The following NELL1 variants were observed in gnomAD, a reference collection of about 807,000 sequenced individuals.
The protein encoded by NELL1 is neural EGFL like 1, also known as protein kinase C-binding protein NELL1.
NELL1 carries 76 observed loss-of-function variants against 107.4 expected under a neutral mutation model. The ratio of observed to expected loss-of-function variants is 0.71; its 90% CI spans 0.59 to 0.86. The LOEUF (loss-of-function observed/expected upper bound fraction) is 0.86. Among genes scored for constraint, NELL1 ranks in the 40% least tolerant of loss-of-function variants. The pLI, the probability that NELL1 is intolerant of heterozygous loss-of-function variation, is 0.00. For synonymous variants in NELL1, 353 were observed against 341.2 expected, an observed-to-expected ratio of 1.03 and a Z score of -0.38; for missense variants, 1,024 against 1,005.5, an observed-to-expected ratio of 1.02 and a Z score of -0.25.
At chr11:21,432,535 C>T (rs754459144) in intron 15 of NELL1, among the ~76,000 whole-genome samples, 1 of 151,824 alleles carries the variant, frequency 6.6e-6, no homozygotes, top group Non-Finnish European at 1.5e-5. Context: ...GAGTTTATTA[C>T]TTCCTGCAAA....
At chr11:21,017,028 G>T (rs1035630486) in intron 12 of NELL1, among the ~76,000 whole-genome samples, 37 of 152,030 alleles carry the variant, frequency 2.4e-4, no homozygotes, top group African/African-American at 8.0e-4. Flanking sequence ...TTTTATGCTG[G>T]ATTCCATGTT....
chr11:21,268,386 T>C (rs1848675527), intron 14 of NELL1, among the ~76,000 whole-genome samples: 1 of 152,162 alleles, frequency 6.6e-6, no homozygotes, highest in African/African-American at 2.4e-5. Flanking sequence ...ATTCTGTTCT[T>C]AACAAAACCT....
chr11:21,419,642 C>G (rs1022487257), intron 15 of NELL1, among the ~76,000 whole-genome samples: 3 of 152,088 alleles, frequency 2.0e-5, no homozygotes, highest in Admixed American at 6.6e-5. Flanking sequence ...GCTTAATGCA[C>G]TATTTATAAT....
chr11:21,437,397 T>C (rs1310045453), intron 15 of NELL1, among the ~76,000 whole-genome samples: 1 of 152,236 alleles, frequency 6.6e-6, no homozygotes, highest in African/African-American at 2.4e-5. Context: ...TTCACTCTTG[T>C]TACCCAGGCT....
At chr11:20,918,398 A>G (rs1425180412) in intron 6 of NELL1, 144 bp downstream of exon 6, 1 of 593,958 alleles carries the variant, frequency 1.7e-6, no homozygotes, top group Non-Finnish European at 3.0e-6. Context: ...TATTATCTAC[A>G]TTATATAATT....
intron 13 of NELL1, among the ~76,000 whole-genome samples, chr11:21,129,329 ATAGT>A (rs1855562012): frequency 6.6e-6 from 1 of 152,198 alleles, no homozygotes; most frequent in South Asian, 2.1e-4. Context: ...ACCATGGAAA[ATAGT>A]TTGGTGGTTC....
chr11:20,704,993 C>G (rs528955156), intron 2 of NELL1, among the ~76,000 whole-genome samples: 3 of 152,232 alleles, frequency 2.0e-5, no homozygotes, highest in African/African-American at 7.2e-5. Context: ...CTACAAACCA[C>G]TGCTCAATGA....
At chr11:21,531,473 G>A (rs947888792) in intron 15 of NELL1, among the ~76,000 whole-genome samples, 1 of 152,076 alleles carries the variant, frequency 6.6e-6, no homozygotes, top group Non-Finnish European at 1.5e-5. Context: ...TTGTGTTGTC[G>A]ACATTTGACT....
chr11:21,080,449 G>T (rs1379094716), intron 12 of NELL1, among the ~76,000 whole-genome samples: 2 of 151,934 alleles, frequency 1.3e-5, no homozygotes, highest in African/African-American at 2.4e-5. Context: ...ATTATATATT[G>T]TTAAATACCT....
chr11:21,201,665 C>G (rs187256046), intron 13 of NELL1, among the ~76,000 whole-genome samples: 1 of 151,976 alleles, frequency 6.6e-6, no homozygotes, highest in Non-Finnish European at 1.5e-5. Context: ...AATACTATGT[C>G]GAATAGGAGT....
intron 15 of NELL1, among the ~76,000 whole-genome samples, chr11:21,401,184 T>C (rs1259698999): frequency 6.6e-6 from 1 of 151,858 alleles, no homozygotes; most frequent in Non-Finnish European, 1.5e-5. Context: ...ACAAAGTGTC[T>C]TTTCTATGAA....
chr11:21,374,877 CTGTGTGTGTCTG>C lies in NELL1; in HGVS notation c.1645+3939_1645+3950del, dbSNP rs1431370337. ...CAGCTACCAGGCTGTGTGGAACTGACTGTGTGTGTCTGTGTGTGTGTGTGTGTGTGTGTGTGT... is the reference window on the plus strand; with the variant it reads ...CAGCTACCAGGCTGTGTGGAACTGACTGTGTGTGTGTGTGTGTGTGTGTGT... On this transcript the variant is annotated intron_variant, in intron 15 of 19. Transcript: ENST00000357134. Among the ~76,000 whole-genome samples, 660 of 89,876 alleles carry C rather than the reference CTGTGTGTGTCTG, an allele frequency of 7.3e-3. 4 individuals carry two copies. Among genetic ancestry groups the C allele is most frequent in the East Asian group, 0.055 (151 of 2,728 alleles). 59.0% of individuals were successfully genotyped at this position (89,876 alleles called of 152,430 possible).
At position 21,545,529 on chromosome 11, in the gene NELL1, G is replaced by A. The variant is rs116747371; in HGVS notation, c.1786+11015G>A. 9.3e-3 allele frequency among the ~76,000 whole-genome samples: 1,409 copies of A among 152,080 alleles called. 21 individuals are homozygous for A. Among genetic ancestry groups the A allele is most frequent in the African/African-American group, 0.032 (1,345 of 41,520 alleles). On this transcript the variant is annotated intron_variant, in intron 16 of 19. Coordinates refer to ENST00000357134, the MANE Select transcript of NELL1 (RefSeq NM_006157.5). ...CCCTAAAAAGGTGCTTTGTAGTGTG[G>A]TTATGGTTTTAGGGTCCTTTCCTCA...
chr11:20,780,244 C>G (rs1375147615), intron 2 of NELL1, among the ~76,000 whole-genome samples: 1 of 152,136 alleles, frequency 6.6e-6, no homozygotes, highest in Non-Finnish European at 1.5e-5. Flanking sequence ...CTAGATCAGA[C>G]TGTTAAGTGG....
At chr11:20,821,601 C>G (rs955796935) in intron 3 of NELL1, among the ~76,000 whole-genome samples, 4 of 152,184 alleles carry the variant, frequency 2.6e-5, no homozygotes, top group African/African-American at 9.7e-5. Flanking sequence ...CAACTGTTTT[C>G]ATATGTTTAA....
At chr11:21,253,582 T>C (rs571964118) in intron 14 of NELL1, among the ~76,000 whole-genome samples, 5 of 152,270 alleles carry the variant, frequency 3.3e-5, no homozygotes, top group African/African-American at 9.6e-5. Context: ...CTTCTTCCAA[T>C]GTATTGCTCA....
intron 13 of NELL1, among the ~76,000 whole-genome samples, chr11:21,141,518 T>C (rs920531589): frequency 6.6e-6 from 1 of 152,200 alleles, no homozygotes; most frequent in Admixed American, 6.5e-5. Flanking sequence ...GTCCCATCTC[T>C]ACTAGAGATG....
At chr11:21,124,313 T>G (rs1855440106) in intron 13 of NELL1, among the ~76,000 whole-genome samples, 1 of 152,168 alleles carries the variant, frequency 6.6e-6, no homozygotes, top group Non-Finnish European at 1.5e-5. Context: ...TATGACCTGG[T>G]AGGGATAATG....
chr11:20,957,017 A>G (rs1851188903), intron 11 of NELL1, among the ~76,000 whole-genome samples: 1 of 152,200 alleles, frequency 6.6e-6, no homozygotes, highest in Non-Finnish European at 1.5e-5. Flanking sequence ...AGACCAGAAT[A>G]TAGAAAGAGG....
Sources: allele counts gnomAD v4.1 joint callset (sites outside exome capture counted in the v4.1 genomes callset), GRCh38; gene constraint gnomAD v4.1.1; transcripts MANE v1.5; gene names NCBI Gene and HGNC (gene_info 2026-07-23, HGNC 2026-07-21).